The following GNA12 variants were observed in gnomAD, a reference collection of about 807,000 sequenced individuals.
The protein encoded by GNA12 is guanine nucleotide-binding protein subunit alpha-12.
A neutral mutation model predicts 26.0 loss-of-function variants in GNA12; 9 were observed. The ratio of observed to expected loss-of-function variants is 0.35; its 90% CI spans 0.21 to 0.60. GNA12 has a LOEUF of 0.60. Ranked by LOEUF, GNA12 falls within the 20% of genes least tolerant of loss-of-function variation. The pLI, the probability that GNA12 is intolerant of heterozygous loss-of-function variation, is 0.78. For missense variants in GNA12, 405 were observed against 525.8 expected (o/e 0.77, Z 2.25); for synonymous variants, 264 against 219.6 (o/e 1.20, Z -1.79).
chr7:2,762,115 C>A (rs1262865268), intron 2 of GNA12: 1 of 153,024 alleles, frequency 6.5e-6, no homozygotes, highest in Non-Finnish European at 1.5e-5. Flanking sequence ...GGCAGAGAAA[C>A]CTGTGAAAAC....
intron 2 of GNA12, among the ~76,000 whole-genome samples, chr7:2,756,822 G>A (rs1791321198): frequency 1.3e-5 from 2 of 152,168 alleles, no homozygotes; most frequent in South Asian, 2.1e-4. Flanking sequence ...CTTGGGCCAG[G>A]TATGGTGGCT....
intron 1 of GNA12, chr7:2,815,009 G>A (rs1257393294): frequency 2.0e-5 from 30 of 1,532,160 alleles, no homozygotes; most frequent in Non-Finnish European, 1.2e-5. Context: ...GTCTAATCTC[G>A]CCCCTTCCAC....
chr7:2,736,268 C>T (rs892794695), intron 2 of GNA12, among the ~76,000 whole-genome samples: 3 of 152,172 alleles, frequency 2.0e-5, no homozygotes, highest in South Asian at 2.1e-4. Flanking sequence ...ACGGCTGCTG[C>T]GGTCACACGA....
intron 1 of GNA12, chr7:2,836,112 A>G (rs1428369209): frequency 1.9e-5 from 4 of 207,328 alleles, no homozygotes; most frequent in African/African-American, 1.1e-4. Flanking sequence ...CTTACTGGCA[A>G]TCTTTACAAA....
At chr7:2,767,114 G>C (rs1791826502) in intron 2 of GNA12, among the ~76,000 whole-genome samples, 1 of 152,184 alleles carries the variant, frequency 6.6e-6, no homozygotes, top group Non-Finnish European at 1.5e-5. Context: ...TGAGTTGTAG[G>C]AGTCTTCATA....
intron 1 of GNA12, among the ~76,000 whole-genome samples, chr7:2,830,348 G>A (rs1288889986): frequency 6.6e-6 from 1 of 152,220 alleles, no homozygotes; most frequent in Non-Finnish European, 1.5e-5. Flanking sequence ...GGAGTCAGGT[G>A]GATGGAGATG....
At chr7:2,792,692 A>G (rs1349011481) in intron 2 of GNA12, among the ~76,000 whole-genome samples, 3 of 152,176 alleles carry the variant, frequency 2.0e-5, no homozygotes, top group Non-Finnish European at 4.4e-5. Flanking sequence ...TCTTTAGGAG[A>G]TTAAAATTTC....
chr7:2,831,212 A>C (rs1447793035), intron 1 of GNA12, among the ~76,000 whole-genome samples: 2 of 151,776 alleles, frequency 1.3e-5, no homozygotes, highest in Non-Finnish European at 2.9e-5. Context: ...TACTGATAAG[A>C]AAGTAAATGA....
At chr7:2,773,968 C>T (rs553221420) in intron 2 of GNA12, among the ~76,000 whole-genome samples, 12 of 152,296 alleles carry the variant, frequency 7.9e-5, no homozygotes, top group African/African-American at 2.4e-4. Context: ...TTGGAAGAAC[C>T]GCACAAAACG....
At chr7:2,771,679 A>C (rs1005611267) in intron 2 of GNA12, among the ~76,000 whole-genome samples, 6 of 152,140 alleles carry the variant, frequency 3.9e-5, no homozygotes, top group Non-Finnish European at 8.8e-5. Flanking sequence ...GGTGCACCCC[A>C]GTCTGTTCAT....
At chr7:2,835,686 G>C (rs1159340965) in intron 1 of GNA12, 8 of 1,041,040 alleles carry the variant, frequency 7.7e-6, no homozygotes, top group Non-Finnish European at 1.2e-5. Context: ...AGCAACAAAA[G>C]ATAAACAAAT....
intron 2 of GNA12, among the ~76,000 whole-genome samples, chr7:2,766,024 C>T (rs1359440494): frequency 2.0e-5 from 3 of 152,150 alleles, no homozygotes; most frequent in African/African-American, 7.2e-5. Flanking sequence ...ATGCACAGTT[C>T]AGTGGTGTTA....
At chr7:2,826,254 T>C (rs1793483018) in intron 1 of GNA12, among the ~76,000 whole-genome samples, 1 of 151,692 alleles carries the variant, frequency 6.6e-6, no homozygotes, top group Admixed American at 6.6e-5. Context: ...GGTGGATGCC[T>C]GTAATCCCAG....
chr7:2,763,919 G>C (rs552869570), intron 2 of GNA12, among the ~76,000 whole-genome samples: 1 of 152,304 alleles, frequency 6.6e-6, no homozygotes, highest in East Asian at 1.9e-4. Flanking sequence ...TTAGAGTCTT[G>C]GTTAAAGTGA....
chr7:2,755,687 G>A (rs1278055755), intron 2 of GNA12, among the ~76,000 whole-genome samples: 7 of 152,186 alleles, frequency 4.6e-5, no homozygotes, highest in Non-Finnish European at 1.0e-4. Context: ...AACAGGAACA[G>A]TCATATTTCT....
At chr7:2,818,073 T>C (rs1051659899) in intron 1 of GNA12, among the ~76,000 whole-genome samples, 39 of 152,198 alleles carry the variant, frequency 2.6e-4, no homozygotes, top group African/African-American at 9.2e-4. Context: ...TTAAAATTAA[T>C]TCAATGAACA....
At chr7:2,817,789 G>GA (rs1321670597) in intron 1 of GNA12, among the ~76,000 whole-genome samples, 1 of 152,198 alleles carries the variant, frequency 6.6e-6, no homozygotes, top group Non-Finnish European at 1.5e-5. Flanking sequence ...GAACATAGAA[G>GA]AAACATCTAA....
chr7:2,755,181 C>T (rs990344842), intron 2 of GNA12, among the ~76,000 whole-genome samples: 1 of 152,180 alleles, frequency 6.6e-6, no homozygotes, highest in Non-Finnish European at 1.5e-5. Context: ...AGACAACAGG[C>T]CTTGGAATCA....
rs1789906652 is a variant in GNA12, at chr7:2,731,710, T to C, written c.617A>G (p.Lys206Arg). Residue 206 changes from lysine (K) to arginine (R), a missense_variant, in exon 4 of 4, where the codon AAA becomes AGA. By Grantham distance (26) the Lys-to-Arg change is conservative. Coordinates refer to ENST00000275364, the MANE Select transcript of GNA12 (RefSeq NM_007353.3). This position sits in a 1 kb window ranked among gnomAD's most constrained non-coding sequence, Gnocchi z 6.0. ...ATGCTCCACAATTCCCTTGGTGGCT[T>C]TCCTAGCCAGCAGGATATCTTGCTT... ...PSKQDILLARKATKGIVEHDF... is the reference protein window; with the variant it reads ...PSKQDILLARRATKGIVEHDF... The C allele has an allele frequency of 6.3e-7, 1 of 1,579,578 alleles. No individual in the cohort carries two copies. The highest frequency in any genetic ancestry group is 1.4e-5 in the African/African-American group (1 of 73,992).
Sources: gnomAD v4.1 joint callset for allele counts (sites outside exome capture counted in the v4.1 genomes callset) on GRCh38, gnomAD v4.1.1 for gene constraint, Gnocchi (gnomAD v3.1) non-coding constraint, MANE v1.5 for transcripts, NCBI Gene and HGNC (gene_info 2026-07-23, HGNC 2026-07-21) for gene names.